The following SLC2A10 variants were observed in gnomAD, a reference collection of about 807,000 sequenced individuals.
SLC2A10 encodes solute carrier family 2 member 10, also known as solute carrier family 2, facilitated glucose transporter member 10.
A neutral mutation model predicts 32.1 loss-of-function variants in SLC2A10; 25 were observed. The observed-to-expected ratio is 0.78, with a 90% CI of 0.57 to 1.09. The LOEUF (loss-of-function observed/expected upper bound fraction) is 1.09, where lower values mean the gene tolerates loss of function less well. Ranked by LOEUF, SLC2A10 falls within the 50% of genes least tolerant of loss-of-function variation. The pLI, the probability that SLC2A10 is intolerant of heterozygous loss-of-function variation, is 0.00. For missense variants in SLC2A10, 673 were observed against 686.5 expected (o/e 0.98, Z 0.22); for synonymous variants, 332 against 309.6 (o/e 1.07, Z -0.76).
At chr20:46,726,758 C>G (rs1979987048) in intron 2 of SLC2A10, 106 bp from the exon 3 acceptor site, 1 of 1,464,414 alleles carries the variant, frequency 6.8e-7, no homozygotes, top group South Asian at 1.1e-5. Context: ...GTATCAGGAG[C>G]CTGACACTAG....
chr20:46,714,017 G>A (rs553160233), intron 1 of SLC2A10, among the ~76,000 whole-genome samples: 6 of 152,220 alleles, frequency 3.9e-5, no homozygotes, highest in African/African-American at 1.4e-4. Flanking sequence ...TCTGCTGATA[G>A]GAAGGGTACT....
chr20:46,730,773 G>A (rs1344535308), intron 4 of SLC2A10, among the ~76,000 whole-genome samples: 1 of 152,112 alleles, frequency 6.6e-6, no homozygotes, highest in Non-Finnish European at 1.5e-5. Flanking sequence ...AGAGTGAAAT[G>A]GGAGCTTCAG....
rs1413309278 is a variant in SLC2A10, at chr20:46,734,061, C to T, written c.*227C>T. 6.7e-6 allele frequency: 4 copies of T among 599,334 alleles called. No individual in the cohort carries two copies. Among genetic ancestry groups the T allele is most frequent in the Middle Eastern group, 4.4e-4 (1 of 2,262 alleles). 37.1% of individuals were successfully genotyped at this position (599,334 alleles called of 1,614,324 possible). A position where few individuals can be genotyped will look rare whatever the true frequency, so the allele number is the denominator to read the frequency against. On this transcript the variant is annotated 3_prime_UTR_variant, in exon 5 of 5. Coordinates refer to ENST00000359271, the MANE Select transcript of SLC2A10 (RefSeq NM_030777.4). The stretch of plus-strand genomic sequence containing the variant: ...GGTTCCTGAGGATCTAGCTTCATGC[C>T]TCAGTTTCCCCATTGACTTGCACAT...
intron 1 of SLC2A10, among the ~76,000 whole-genome samples, chr20:46,719,146 TG>T (rs2123022507): frequency 6.6e-6 from 1 of 151,816 alleles, no homozygotes; most frequent in African/African-American, 2.4e-5. Flanking sequence ...TGTTACTGGT[TG>T]TTTTTTTTTT....
chr20:46,729,602 T>C (rs550317428), intron 4 of SLC2A10, 114 bp downstream of exon 4: 1 of 1,019,120 alleles, frequency 9.8e-7, no homozygotes, highest in Non-Finnish European at 1.5e-6. Flanking sequence ...CCTCCTGTCT[T>C]CCTTATTGCC....
intron 1 of SLC2A10, 124 bp downstream of exon 1, chr20:46,709,864 C>T (rs961513299): frequency 3.3e-6 from 4 of 1,225,018 alleles, no homozygotes; most frequent in East Asian, 2.7e-5. Context: ...GGCCGGATAC[C>T]GCCTCTCGGG....
chr20:46,733,386 T>A (rs977448807), intron 4 of SLC2A10, among the ~76,000 whole-genome samples: 2 of 152,190 alleles, frequency 1.3e-5, no homozygotes, highest in Non-Finnish European at 2.9e-5. Flanking sequence ...GCTGCCCCCA[T>A]GATCCAATCA....
intron 1 of SLC2A10, among the ~76,000 whole-genome samples, chr20:46,724,243 G>A (rs1234979442): frequency 1.3e-5 from 2 of 152,186 alleles, no homozygotes; most frequent in Admixed American, 6.5e-5. Context: ...TAGAACTTTA[G>A]ATCCTGGACA....
chr20:46,732,912 C>G (rs559628272), intron 4 of SLC2A10, among the ~76,000 whole-genome samples: 1 of 151,840 alleles, frequency 6.6e-6, no homozygotes. Flanking sequence ...AGCAAAGGCC[C>G]GGAGGTGGAA....
At position 46,725,465 on chromosome 20, in the gene SLC2A10, C is replaced by T; in HGVS notation, c.429C>T (p.Ile143=). 6.2e-7 allele frequency: 1 copy of T among 1,614,156 alleles called. No individual in the cohort carries two copies. The highest frequency in any genetic ancestry group is 8.5e-7 in the Non-Finnish European group (1 of 1,180,020). Reference sequence around the variant, plus strand: ...TGGTGTCCCTCTATGAGGCAGGCATCACCGTGGGCATCCTGCTCTCCTATG... The same window carrying T: ...TGGTGTCCCTCTATGAGGCAGGCATTACCGTGGGCATCCTGCTCTCCTATG... ...GVLVSLYEAG[I]TVGILLSYAL... Residue 143 remains isoleucine, a synonymous_variant, in exon 2 of 5, where the codon ATC becomes ATT. Transcript: ENST00000359271.
chr20:46,735,330 A>G lies in SLC2A10; in HGVS notation c.*1496A>G, dbSNP rs1980516002. On this transcript the variant is annotated 3_prime_UTR_variant, in exon 5 of 5. Coordinates refer to ENST00000359271, the MANE Select transcript of SLC2A10 (RefSeq NM_030777.4). ...TCCCTTGTATCCAGTGATGTGCTGG[A>G]GCTGGCTTTGCCAAGCTTGTGAGAG... 3 of 152,602 alleles carry G rather than the reference A, an allele frequency of 2.0e-5. No homozygotes were observed. Among genetic ancestry groups the G allele is most frequent in the Admixed American group, 2.0e-4 (3 of 15,278 alleles). 9.5% of individuals were successfully genotyped at this position (152,602 alleles called of 1,614,324 possible). A position where few individuals can be genotyped will look rare whatever the true frequency, so the allele number is the denominator to read the frequency against.
At chr20:46,717,858 G>C (rs1979341298) in intron 1 of SLC2A10, among the ~76,000 whole-genome samples, 1 of 152,152 alleles carries the variant, frequency 6.6e-6, no homozygotes, top group African/African-American at 2.4e-5. Flanking sequence ...AGGTGCCTCT[G>C]GGGTGAACAG....
chr20:46,723,546 C>T (rs1409475115), intron 1 of SLC2A10, among the ~76,000 whole-genome samples: 5 of 152,242 alleles, frequency 3.3e-5, no homozygotes, highest in South Asian at 2.1e-4. Flanking sequence ...AATAGATGAC[C>T]GATTTGTTTC....
chr20:46,710,246 C>CA (rs1978831240), intron 1 of SLC2A10: 1 of 395,966 alleles, frequency 2.5e-6, no homozygotes, highest in South Asian at 1.3e-4. Context: ...TCTAACACAG[C>CA]ATTGGGGTGG....
rs747333286 is a variant in SLC2A10 at position 46,725,555 on chromosome 20, A to G, written c.519A>G (p.Ala173=). 3.7e-6 allele frequency: 6 copies of G among 1,614,098 alleles called. No individual in the cohort carries two copies. In the South Asian group the frequency reaches 6.6e-5, roughly 18 times the overall value. ...GGCACATGTTCGGCTGGGCCACTGC[A>G]CCTGCTGTCCTGCAATCCCTCAGCC... is the stretch of plus-strand genomic sequence containing the variant. The part of the protein sequence containing the change: ...GWRHMFGWAT[A]PAVLQSLSLL... The change falls in exon 2 of 5, where the codon GCA becomes GCG. Residue 173 remains alanine (A), a synonymous_variant. Coordinates refer to ENST00000359271, the MANE Select transcript of SLC2A10 (RefSeq NM_030777.4).
intron 1 of SLC2A10, among the ~76,000 whole-genome samples, chr20:46,716,913 C>T (rs1979278226): frequency 6.6e-6 from 1 of 152,038 alleles, no homozygotes; most frequent in South Asian, 2.1e-4. Context: ...GTCCCAGCTA[C>T]TCGGGAGGCT....
At chr20:46,729,603 C>A in intron 4 of SLC2A10, 115 bp downstream of exon 4, 2 of 875,142 alleles carry the variant, frequency 2.3e-6, no homozygotes, top group Non-Finnish European at 1.8e-6. Flanking sequence ...CTCCTGTCTT[C>A]CTTATTGCCT....
Position 46,726,861 on chromosome 20 carries a change from T to C in SLC2A10, c.1289-3T>C. ...CAGGAGCCCTCCTGCTCTCCCACCC[T>C]AGTGACCTGGCTTGTCCTCAGCGAG... On this transcript the variant is annotated splice_region_variant and splice_polypyrimidine_tract_variant and intron_variant, in intron 2 of 4. Coordinates refer to ENST00000359271, the MANE Select transcript of SLC2A10 (RefSeq NM_030777.4). 6.2e-7 allele frequency: 1 copy of C among 1,613,940 alleles called. No homozygotes were observed. Among genetic ancestry groups the C allele is most frequent in the Non-Finnish European group, 8.5e-7 (1 of 1,179,992 alleles).
In SLC2A10 at chr20:46,735,741, C is replaced by T. The variant is rs1442284871; in HGVS notation, c.*1907C>T. 1 of 152,158 alleles carries T rather than the reference C, an allele frequency of 6.6e-6. No homozygotes were observed. The highest frequency in any genetic ancestry group is 1.5e-5 in the Non-Finnish European group (1 of 68,032). The allele number at this position is 152,158 out of a possible 1,614,324, so 9.4% of individuals were successfully genotyped here. ...CATGCTGGATAAAATGTCAGTAATG[C>T]AAATTAAACTTTAAAGTATGTCTTG... On this transcript the variant is annotated 3_prime_UTR_variant, in exon 5 of 5. Coordinates refer to ENST00000359271, the MANE Select transcript of SLC2A10 (RefSeq NM_030777.4).
Sources: gnomAD v4.1 joint callset for allele counts (sites outside exome capture counted in the v4.1 genomes callset) on GRCh38, gnomAD v4.1.1 for gene constraint, MANE v1.5 for transcripts, NCBI Gene and HGNC (gene_info 2026-07-23, HGNC 2026-07-21) for gene names.